The following SPTBN4 variants were observed in gnomAD, a reference collection of about 807,000 sequenced individuals.
The protein encoded by SPTBN4 is spectrin beta, non-erythrocytic 4, also known as spectrin beta chain, non-erythrocytic 4.
Under a neutral mutation model 277.8 loss-of-function variants are expected in SPTBN4, and 96 were observed. That is an observed-to-expected ratio of 0.35 (90% CI 0.29 to 0.41). The LOEUF (loss-of-function observed/expected upper bound fraction) is 0.41. Ranked by LOEUF, SPTBN4 falls within the 10% of genes least tolerant of loss-of-function variation. The probability of loss-of-function intolerance (pLI) is 1.00; values close to 1 mark genes in which losing one functional copy is unlikely to be tolerated. For synonymous variants in SPTBN4, 1,481 were observed against 1,580.3 expected, an observed-to-expected ratio of 0.94 and a Z score of 1.49; for missense variants, 3,006 against 3,595.7, an observed-to-expected ratio of 0.84 and a Z score of 4.19.
rs1236358085 is a variant in SPTBN4 at position 40,475,521 on chromosome 19, C to T, written c.169+2731C>T. ...TGTTGCCCAGGCTGGAGTGCAGTGG[C>T]GCAATGTCAGCTCACTGCAACCTCC... On this transcript the variant is annotated intron_variant, in intron 2 of 35. Transcript: ENST00000598249. 5.3e-5 allele frequency among the ~76,000 whole-genome samples: 8 copies of T among 151,972 alleles called. No homozygotes were observed. The East Asian group carries it at 1.2e-3, about 22-fold the overall frequency.
Position 40,570,577 on chromosome 19 carries a change from G to A in SPTBN4, c.7168G>A (p.Gly2390Ser). Reference sequence around the variant, plus strand: ...ACGGCGGCCGCGGCCCAGAGAGGGTGGTGAGGGCGGGGGAAGCCGGCGCTC... The same window carrying A: ...ACGGCGGCCGCGGCCCAGAGAGGGTAGTGAGGGCGGGGGAAGCCGGCGCTC... ...PRRRPRPREG[G>S]EGGGSRRSRS... The change falls in exon 33 of 36, where the codon GGT becomes AGT. Residue 2390 changes from glycine (G) to serine (S), a missense_variant. By Grantham distance (56) the Gly-to-Ser change is moderately conservative. Transcript: ENST00000598249. The A allele has an allele frequency of 7.3e-7, 1 of 1,375,816 alleles. No individual in the cohort carries two copies. 85.2% of individuals were successfully genotyped at this position (1,375,816 alleles called of 1,614,324 possible). A position where few individuals can be genotyped will look rare whatever the true frequency, so the allele number is the denominator to read the frequency against.
Position 40,505,700 on chromosome 19 carries a change from GAGGAAGGAAGGAAGGAAGGA to G in SPTBN4, c.1666-501_1666-482del, listed in dbSNP as rs369584973. Among the ~76,000 whole-genome samples, 139 of 116,594 alleles carry G rather than the reference GAGGAAGGAAGGAAGGAAGGA, an allele frequency of 1.2e-3. 2 individuals carry two copies. The highest frequency in any genetic ancestry group is 5.1e-3 in the Admixed American group (55 of 10,810). 76.5% of individuals were successfully genotyped at this position (116,594 alleles called of 152,430 possible). On this transcript the variant is annotated intron_variant, in intron 12 of 35. Coordinates refer to ENST00000598249, the MANE Select transcript of SPTBN4 (RefSeq NM_020971.3). ...AAGAAGAAGAAAAAAGAATGAAAGG[GAGGAAGGAAGGAAGGAAGGA>G]AGGAAGGAAGGAAGGAAGGAAGGAA...
rs10401824 is a variant in SPTBN4 at position 40,505,086 on chromosome 19, C to T, written c.1665+954C>T. 9.7e-3 allele frequency among the ~76,000 whole-genome samples: 1,460 copies of T among 149,838 alleles called. 26 individuals carry two copies. Among genetic ancestry groups the T allele is most frequent in the African/African-American group, 0.034 (1,379 of 40,762 alleles). On this transcript the variant is annotated intron_variant, in intron 12 of 35. Coordinates refer to ENST00000598249, the MANE Select transcript of SPTBN4 (RefSeq NM_020971.3). Reference sequence around the variant, plus strand: ...CTACCAGATCTAGAGAGAGATGAGACAAGAAAGATAGAAGCCAGCTGGGCA... The same window carrying T: ...CTACCAGATCTAGAGAGAGATGAGATAAGAAAGATAGAAGCCAGCTGGGCA...
At chr19:40,536,331 A>G (rs565226690) in intron 20 of SPTBN4, among the ~76,000 whole-genome samples, 9 of 152,146 alleles carry the variant, frequency 5.9e-5, no homozygotes, top group Admixed American at 5.9e-4. Context: ...CTCCTGCCTC[A>G]GCCTCCTGAG....
In SPTBN4 at chr19:40,554,125, T is replaced by C; in HGVS notation, c.4675-22T>C. 7.0e-7 allele frequency: 1 copy of C among 1,422,110 alleles called. No individual in the cohort carries two copies. Among genetic ancestry groups the C allele is most frequent in the Non-Finnish European group, 9.1e-7 (1 of 1,102,090 alleles). The allele number at this position is 1,422,110 out of a possible 1,614,324, so 88.1% of individuals were successfully genotyped here. On this transcript the variant is annotated intron_variant, in intron 22 of 35. Transcript: ENST00000598249. The surrounding 1 kb of genome is among the most constrained non-coding windows in gnomAD (Gnocchi z 5.7). ...TCGGAACGCCCCCTCTCCACCCACA[T>C]CCCCTTACCTCCTGCCCCCAGGGCC...
intron 20 of SPTBN4, among the ~76,000 whole-genome samples, chr19:40,548,245 T>C (rs945592088): frequency 6.6e-6 from 1 of 152,202 alleles, no homozygotes; most frequent in African/African-American, 2.4e-5. Context: ...CCCAGCACTT[T>C]GGGAGGCCAA....
chr19:40,488,828 T>A (rs1329339371), intron 3 of SPTBN4, among the ~76,000 whole-genome samples: 1 of 150,448 alleles, frequency 6.6e-6, no homozygotes, highest in Non-Finnish European at 1.5e-5. Context: ...TTTTCTTAAT[T>A]TTTTTATTCT....
chr19:40,471,401 A>G (rs2079882918), intron 1 of SPTBN4, among the ~76,000 whole-genome samples: 1 of 152,218 alleles, frequency 6.6e-6, no homozygotes, highest in Non-Finnish European at 1.5e-5. Flanking sequence ...AAGAGAAGGT[A>G]CATGAAGTAC....
rs191558543 is a variant in SPTBN4 at position 40,511,230 on chromosome 19, C to T, written c.1817-1376C>T. 1.4e-3 allele frequency among the ~76,000 whole-genome samples: 192 copies of T among 140,654 alleles called. 1 individual carries two copies. The highest frequency in any genetic ancestry group is 3.1e-3 in the South Asian group (14 of 4,520). The allele number at this position is 140,654 out of a possible 152,430, so 92.3% of individuals were successfully genotyped here. A position where few individuals can be genotyped will look rare whatever the true frequency, so the allele number is the denominator to read the frequency against. On this transcript the variant is annotated intron_variant, in intron 13 of 35. Coordinates refer to ENST00000598249, the MANE Select transcript of SPTBN4 (RefSeq NM_020971.3). ...ACCAGTCTGGCCAACATAGCGAAAC[C>T]CCATCTCTACTAAAAATACAAAAAA...
intron 17 of SPTBN4, 70 bp downstream of exon 17, chr19:40,523,709 G>A: frequency 1.4e-6 from 2 of 1,431,796 alleles, no homozygotes; most frequent in Admixed American, 2.2e-5. Context: ...GGAGTGGTGT[G>A]GGAGGCCAGG....
At chr19:40,478,877 A>T (rs1395924929) in intron 2 of SPTBN4, among the ~76,000 whole-genome samples, 1 of 152,022 alleles carries the variant, frequency 6.6e-6, no homozygotes. Flanking sequence ...CAAATGCACA[A>T]CTCTGCTTAA....
rs2145847386 is a variant in SPTBN4, at chr19:40,502,382, C to T, written c.1086-8C>T. 1.2e-6 allele frequency: 2 copies of T among 1,610,648 alleles called. No individual in the cohort carries two copies. The highest frequency in any genetic ancestry group is 3.3e-4 in the Middle Eastern group (2 of 6,042). ...GACGGCAGGGCTCCTGAGCTCATGC[C>T]CCTTCAGGTTCCAGGAGAAGGGGAA... is the stretch of plus-strand genomic sequence containing the variant. On this transcript the variant is annotated splice_polypyrimidine_tract_variant and splice_region_variant and intron_variant, in intron 9 of 35. Coordinates refer to ENST00000598249, the MANE Select transcript of SPTBN4 (RefSeq NM_020971.3). The surrounding 1 kb of genome is among the most constrained non-coding windows in gnomAD (Gnocchi z 4.9).
Position 40,513,481 on chromosome 19 carries a change from G to A in SPTBN4, c.2692G>A (p.Gly898Ser), listed in dbSNP as rs771682932. 1 of 1,601,494 alleles carries A rather than the reference G, an allele frequency of 6.2e-7. No homozygotes were observed. The highest frequency in any genetic ancestry group is 8.5e-7 in the Non-Finnish European group (1 of 1,178,740). Residue 898 changes from glycine to serine, a missense_variant, in exon 14 of 36, where the codon GGC becomes AGC. Gly to Ser is a moderately conservative substitution (Grantham distance 56). Coordinates refer to ENST00000598249, the MANE Select transcript of SPTBN4 (RefSeq NM_020971.3). ...GGTGCACGCGTGTGAGCTGTGGATCGGCGAGAAGGAGCAATGGCTGCTCTC... is the reference window on the plus strand; with the variant it reads ...GGTGCACGCGTGTGAGCTGTGGATCAGCGAGAAGGAGCAATGGCTGCTCTC... ...GEVHACELWI[G>S]EKEQWLLSMR...
At chr19:40,507,329 T>TAA (rs902306490) in intron 13 of SPTBN4, among the ~76,000 whole-genome samples, 1 of 142,062 alleles carries the variant, frequency 7.0e-6, no homozygotes, top group Non-Finnish European at 1.6e-5. Flanking sequence ...AAAAATAAAA[T>TAA]AAAAAAAAAA....
intron 12 of SPTBN4, 73 bp downstream of exon 12, chr19:40,504,205 T>A: frequency 6.8e-7 from 1 of 1,481,186 alleles, no homozygotes. Flanking sequence ...GAAAGAGTTG[T>A]CAGACAGCTG....
chr19:40,549,373 A>G lies in SPTBN4; in HGVS notation c.4544A>G (p.Lys1515Arg), dbSNP rs2080892261. Residue 1515 changes from lysine to arginine, a missense_variant, in exon 21 of 36, where the codon AAG becomes AGG. Around this residue, in one of 5 missense-constraint regions of SPTBN4, gnomAD observed 1,759 missense variants for 2,061.5 expected, o/e 0.85. Transcript: ENST00000598249. Reference sequence around the variant, plus strand: ...CGCCGCCGCTTGCTGCTGGCTTCCAAGGAGTTGCACCAGGTGGCGCACGAC... The same window carrying G: ...CGCCGCCGCTTGCTGCTGGCTTCCAGGGAGTTGCACCAGGTGGCGCACGAC... ...QERRRLLLAS[K>R]ELHQVAHDLD... The G allele has an allele frequency of 7.2e-7, 1 of 1,387,554 alleles. No individual in the cohort carries two copies. Among genetic ancestry groups the G allele is most frequent in the Non-Finnish European group, 9.5e-7 (1 of 1,057,342 alleles). 86.0% of individuals were successfully genotyped at this position (1,387,554 alleles called of 1,614,324 possible). A position where few individuals can be genotyped will look rare whatever the true frequency, so the allele number is the denominator to read the frequency against.
chr19:40,532,499 C>T, intron 18 of SPTBN4, 126 bp from the exon 19 acceptor site: 41 of 1,247,262 alleles, frequency 3.3e-5, no homozygotes, highest in Non-Finnish European at 4.4e-5. Context: ...GTTTTTTCAT[C>T]CTTTCCTATT....
At chr19:40,498,905 T>C (rs2080232809) in intron 7 of SPTBN4, among the ~76,000 whole-genome samples, 1 of 151,866 alleles carries the variant, frequency 6.6e-6, no homozygotes, top group Admixed American at 6.6e-5. Context: ...TTTCATCATG[T>C]TGCCCAGGCT....
chr19:40,542,277 G>A (rs1361825566), intron 20 of SPTBN4, among the ~76,000 whole-genome samples: 5 of 152,052 alleles, frequency 3.3e-5, no homozygotes. Context: ...TGTTCCTCAT[G>A]TCCTCCTTGT....
Sources: gnomAD v4.1 joint callset for allele counts (sites outside exome capture counted in the v4.1 genomes callset) on GRCh38, gnomAD v4.1.1 for gene constraint, gnomAD v4.1.1 regional missense constraint, Gnocchi (gnomAD v3.1) non-coding constraint, MANE v1.5 for transcripts, NCBI Gene and HGNC (gene_info 2026-07-23, HGNC 2026-07-21) for gene names.